Variants in YEATS4 observed in about 807,000 individuals in gnomAD.
YEATS4 encodes the protein YEATS domain containing 4.
Under a neutral mutation model 30.1 loss-of-function variants are expected in YEATS4, and 17 were observed. The ratio of observed to expected loss-of-function variants is 0.56; its 90% CI spans 0.39 to 0.85. YEATS4 has a LOEUF of 0.85. Among genes scored for constraint, YEATS4 ranks in the 40% least tolerant of loss-of-function variants. The pLI is 0.00. For synonymous variants in YEATS4, 85 were observed against 87.5 expected (o/e 0.97, Z 0.16); for missense variants, 142 against 268.3 (o/e 0.53, Z 3.29).
the YEATS4 span, among the ~76,000 whole-genome samples, chr12:69,395,945 T>A: frequency 1.3e-5 from 2 of 152,220 alleles, no homozygotes; most frequent in Non-Finnish European, 2.9e-5. Context: ...CTCTCTGATC[T>A]GGCTTTTAAA....
the YEATS4 span, among the ~76,000 whole-genome samples, chr12:69,398,221 A>G: frequency 1.3e-5 from 2 of 152,158 alleles, no homozygotes; most frequent in Non-Finnish European, 2.9e-5. Context: ...AGCAAAAAGA[A>G]TAAAAGTCAT....
intron 6 of YEATS4, 77 bp downstream of exon 6, chr12:69,371,052 T>C: frequency 7.1e-7 from 1 of 1,415,504 alleles, no homozygotes. Context: ...TCGTGCCTTT[T>C]ACACTTTAAA....
the YEATS4 span, among the ~76,000 whole-genome samples, chr12:69,400,634 G>A: frequency 2.0e-5 from 3 of 151,364 alleles, no homozygotes; most frequent in Non-Finnish European, 4.4e-5. Flanking sequence ...GATCACATGA[G>A]CCCAGGAGTT....
In YEATS4 at chr12:69,359,820, A is replaced by T; in HGVS notation, c.-153A>T. 1 of 846,306 alleles carries T rather than the reference A, an allele frequency of 1.2e-6. No homozygotes were observed. Among genetic ancestry groups the T allele is most frequent in the African/African-American group, 1.7e-5 (1 of 57,460 alleles). 52.4% of individuals were successfully genotyped at this position (846,306 alleles called of 1,614,324 possible). ...CAGTCGGCCTGAGGAGTTGACGGTTACTCACCGCCGTGAGCCCAAGTAACT... is the reference window on the plus strand; with the variant it reads ...CAGTCGGCCTGAGGAGTTGACGGTTTCTCACCGCCGTGAGCCCAAGTAACT... On this transcript the variant is annotated 5_prime_UTR_variant, in exon 1 of 7. Coordinates refer to ENST00000247843, the MANE Select transcript of YEATS4 (RefSeq NM_006530.4).
At chr12:69,374,825 A>G (rs1391399723) in intron 6 of YEATS4, among the ~76,000 whole-genome samples, 1 of 152,046 alleles carries the variant, frequency 6.6e-6, no homozygotes, top group Non-Finnish European at 1.5e-5. Context: ...TCTTTTCCCC[A>G]CATTTCCCCC....
At chr12:69,415,373 G>A in the YEATS4 span, among the ~76,000 whole-genome samples, 13 of 152,134 alleles carry the variant, frequency 8.5e-5, no homozygotes, top group Admixed American at 5.2e-4. Flanking sequence ...TCAGGAGTTC[G>A]AGACCAGCCT....
chr12:69,387,355 G>T (rs1363334819), intron 6 of YEATS4, among the ~76,000 whole-genome samples: 1 of 152,154 alleles, frequency 6.6e-6, no homozygotes, highest in Non-Finnish European at 1.5e-5. Flanking sequence ...ATGCTAATGG[G>T]ATTATAAATT....
At chr12:69,385,301 T>C (rs1235653456) in intron 6 of YEATS4, among the ~76,000 whole-genome samples, 10 of 152,136 alleles carry the variant, frequency 6.6e-5, no homozygotes, top group African/African-American at 2.4e-4. Context: ...AAGAGTAAAC[T>C]TTGCACTCTC....
the YEATS4 span, among the ~76,000 whole-genome samples, chr12:69,407,534 C>A: frequency 1.3e-5 from 2 of 151,886 alleles, no homozygotes; most frequent in Non-Finnish European, 2.9e-5. Flanking sequence ...TCCTGGATAG[C>A]TACTGTGAAG....
At chr12:69,381,742 C>T (rs1410491247) in intron 6 of YEATS4, among the ~76,000 whole-genome samples, 3 of 152,182 alleles carry the variant, frequency 2.0e-5, no homozygotes, top group Admixed American at 2.0e-4. Context: ...TTCAGCCGTT[C>T]CCTCCGTTCG....
At chr12:69,401,069 A>G in the YEATS4 span, 1 of 152,184 alleles carries the variant, frequency 6.6e-6, no homozygotes, top group African/African-American at 2.4e-5. Flanking sequence ...CCACCAGGTT[A>G]CCTAAGGAAG....
intron 6 of YEATS4, among the ~76,000 whole-genome samples, chr12:69,384,049 T>C (rs1157140049): frequency 1.3e-5 from 2 of 152,242 alleles, no homozygotes; most frequent in Non-Finnish European, 2.9e-5. Flanking sequence ...TGATTAGGAC[T>C]TAAAAGATCT....
chr12:69,394,086 G>A (rs1868334491), downstream of YEATS4, among the ~76,000 whole-genome samples: 1 of 152,142 alleles, frequency 6.6e-6, no homozygotes. Flanking sequence ...AACAAAGGGG[G>A]CAGTTAGGAA....
chr12:69,420,250 G>T, the YEATS4 span, among the ~76,000 whole-genome samples: 1 of 152,182 alleles, frequency 6.6e-6, no homozygotes, highest in African/African-American at 2.4e-5. Context: ...AGGACATTTG[G>T]ATGAGAGGGA....
chr12:69,384,357 A>G (rs1876191037), intron 6 of YEATS4, among the ~76,000 whole-genome samples: 1 of 152,240 alleles, frequency 6.6e-6, no homozygotes, highest in Non-Finnish European at 1.5e-5. Context: ...TGTTTTGTGA[A>G]AAGGCTATAA....
At chr12:69,419,186 T>C in the YEATS4 span, among the ~76,000 whole-genome samples, 1 of 149,746 alleles carries the variant, frequency 6.7e-6, no homozygotes, top group East Asian at 2.0e-4. Context: ...ATGCTTTGTA[T>C]ATACACCTAT....
At chr12:69,383,328 A>G (rs180933606) in intron 6 of YEATS4, among the ~76,000 whole-genome samples, 109 of 152,258 alleles carry the variant, frequency 7.2e-4, no homozygotes, top group Admixed American at 4.2e-3. Context: ...GTAAGTTGAG[A>G]TGTTGAGAAG....
At chr12:69,409,566 G>A in the YEATS4 span, among the ~76,000 whole-genome samples, 8 of 151,382 alleles carry the variant, frequency 5.3e-5, no homozygotes, top group African/African-American at 1.9e-4. Context: ...GCAGTGAGCC[G>A]AGATTGTGCC....
intron 4 of YEATS4, among the ~76,000 whole-genome samples, chr12:69,369,088 G>T (rs1023028331): frequency 6.6e-5 from 10 of 152,098 alleles, no homozygotes; most frequent in Non-Finnish European, 1.0e-4. Context: ...TTGCAGGGAG[G>T]TCACAATTCA....
Sources: gnomAD v4.1 joint callset for allele counts (sites outside exome capture counted in the v4.1 genomes callset) on GRCh38, gnomAD v4.1.1 for gene constraint, MANE v1.5 for transcripts, NCBI Gene and HGNC (gene_info 2026-07-23, HGNC 2026-07-21) for gene names.